The following CERK variants were observed in gnomAD, a reference collection of about 807,000 sequenced individuals.
CERK encodes acylsphingosine kinase.
A neutral mutation model predicts 63.4 loss-of-function variants in CERK; 39 were observed. The ratio of observed to expected loss-of-function variants is 0.61; its 90% CI spans 0.48 to 0.80. CERK has a LOEUF of 0.80. Among genes scored for constraint, CERK ranks in the 30% least tolerant of loss-of-function variants. CERK has a pLI of 0.00. For missense variants in CERK, 670 were observed against 714.1 expected (o/e 0.94, Z 0.70); for synonymous variants, 302 against 280.0 (o/e 1.08, Z -0.78).
At chr22:46,710,660 G>T (rs1463160017) in intron 5 of CERK, among the ~76,000 whole-genome samples, 1 of 152,122 alleles carries the variant, frequency 6.6e-6, no homozygotes, top group East Asian at 1.9e-4. Context: ...AATAAATATG[G>T]CATGCCCACA....
At position 46,733,404 on chromosome 22, in the gene CERK, G is replaced by T. The variant is rs193233035; in HGVS notation, c.142+4603C>A. On this transcript the variant is annotated intron_variant, in intron 1 of 12. Transcript: ENST00000216264. ...CGCCTCCCAGGTTCAAGAGATTCTC[G>T]TGCCTCAGCCTCCTGAGAGGCTGGG... is the stretch of plus-strand genomic sequence containing the variant. 2.0e-5 allele frequency among the ~76,000 whole-genome samples: 3 copies of T among 150,754 alleles called. No individual in the cohort carries two copies. The South Asian group carries it at 6.3e-4, about 32-fold the overall frequency.
Position 46,685,804 on chromosome 22 carries a change from T to C in CERK, c.*1330A>G, listed in dbSNP as rs2082697138. On this transcript the variant is annotated 3_prime_UTR_variant, in exon 13 of 13. Coordinates refer to ENST00000216264, the MANE Select transcript of CERK (RefSeq NM_022766.6). ...AATGCCAGGAAATTCTGAAAATGGA[T>C]GCTGCCTGTTAAACATGAAATCACT... is the stretch of plus-strand genomic sequence containing the variant. The C allele has an allele frequency of 6.6e-6, 1 of 152,204 alleles. No individual in the cohort carries two copies. The highest frequency in any genetic ancestry group is 1.9e-4 in the East Asian group (1 of 5,196). The allele number at this position is 152,204 out of a possible 1,614,324, so 9.4% of individuals were successfully genotyped here.
In CERK at chr22:46,701,656, G is replaced by A. The variant is rs1241712581; in HGVS notation, c.770C>T (p.Ser257Leu). The A allele has an allele frequency of 2.6e-6, 4 of 1,558,990 alleles. No individual in the cohort carries two copies. The highest frequency in any genetic ancestry group is 2.6e-6 in the Non-Finnish European group (3 of 1,151,342). ...CTCACCAACAACGATATGCAGCGCCGAGGTTTCTGCGTCGCTGGTGCCCAC... is the reference window on the plus strand; with the variant it reads ...CTCACCAACAACGATATGCAGCGCCAAGGTTTCTGCGTCGCTGGTGCCCAC... ...STVGTSDAETSALHIVVGDSL... is the reference protein window; with the variant it reads ...STVGTSDAETLALHIVVGDSL... Residue 257 changes from serine to leucine, a missense_variant, in exon 7 of 13, where the codon TCG (serine) becomes TTG (leucine). By Grantham distance (145) the Ser-to-Leu change is moderately radical. Coordinates refer to ENST00000216264, the MANE Select transcript of CERK (RefSeq NM_022766.6).
Position 46,690,108 on chromosome 22 carries a change from C to G in CERK, c.1425G>C (p.Gly475=). 6.2e-7 allele frequency: 1 copy of G among 1,614,106 alleles called. No homozygotes were observed. Among genetic ancestry groups the G allele is most frequent in the Non-Finnish European group, 8.5e-7 (1 of 1,180,014 alleles). Residue 475 remains glycine, a synonymous_variant, in exon 12 of 13, where the codon GGG becomes GGC. Coordinates refer to ENST00000216264, the MANE Select transcript of CERK (RefSeq NM_022766.6). ...MEDEDSDLKE[G]GKKRFGHICS... is the part of the protein sequence containing the mutation. ...AAATGTGCCCAAAGCGCTTCTTCCC[C>G]CCCTCCTTGAGGTCGCTGTCCTCAT...
intron 1 of CERK, among the ~76,000 whole-genome samples, chr22:46,728,800 G>A (rs562444784): frequency 1.3e-5 from 2 of 152,358 alleles, no homozygotes; most frequent in African/African-American, 4.8e-5. Flanking sequence ...CTGGCCTCGG[G>A]GACGTCTGAG....
chr22:46,729,805 C>T (rs541043382), intron 1 of CERK, among the ~76,000 whole-genome samples: 9 of 152,112 alleles, frequency 5.9e-5, no homozygotes, highest in African/African-American at 9.6e-5. Flanking sequence ...TTTGGGAGGC[C>T]GAGGCAGGTG....
intron 7 of CERK, 149 bp downstream of exon 7, chr22:46,701,487 C>A: frequency 6.3e-6 from 4 of 631,362 alleles, no homozygotes; most frequent in Non-Finnish European, 8.0e-6. Flanking sequence ...GGGATCACAG[C>A]GCAGCGAGCA....
intron 9 of CERK, among the ~76,000 whole-genome samples, chr22:46,694,719 G>A (rs1487318015): frequency 1.3e-5 from 2 of 152,198 alleles, no homozygotes; most frequent in African/African-American, 4.8e-5. Flanking sequence ...TGGAGCATGG[G>A]GCTAACATGG....
intron 12 of CERK, 142 bp downstream of exon 12, chr22:46,689,850 A>G (rs1382389402): frequency 5.0e-6 from 3 of 603,452 alleles, no homozygotes; most frequent in Middle Eastern, 4.4e-4. Context: ...ACATAGGGAG[A>G]GAAAAGTGCA....
chr22:46,721,301 A>ATT (rs201415039), intron 1 of CERK, among the ~76,000 whole-genome samples: 2 of 151,696 alleles, frequency 1.3e-5, no homozygotes, highest in Admixed American at 6.6e-5. Flanking sequence ...ATATATATAT[A>ATT]TATTTTTTTG....
chr22:46,717,554 G>A (rs1176928212), intron 3 of CERK, among the ~76,000 whole-genome samples: 1 of 152,264 alleles, frequency 6.6e-6, no homozygotes, highest in Non-Finnish European at 1.5e-5. Flanking sequence ...GTCATGTTGA[G>A]CCGAGAGCCA....
chr22:46,685,288 C>G lies in CERK; in HGVS notation c.*1846G>C, dbSNP rs1017785019. ...GTTTCACCATGTTGGGCAGGCTGAT[C>G]TCAAACTCCTGACCTTAGGTGATCC... is the stretch of plus-strand genomic sequence containing the variant. On this transcript the variant is annotated 3_prime_UTR_variant, in exon 13 of 13. Transcript: ENST00000216264. The G allele has an allele frequency of 1.3e-5, 2 of 152,330 alleles. No homozygotes were observed. The highest frequency in any genetic ancestry group is 4.8e-5 in the African/African-American group (2 of 41,462). The allele number at this position is 152,330 out of a possible 1,614,324, so 9.4% of individuals were successfully genotyped here. A position where few individuals can be genotyped will look rare whatever the true frequency, so the allele number is the denominator to read the frequency against.
chr22:46,722,635 C>A (rs2082898095), intron 1 of CERK, among the ~76,000 whole-genome samples: 1 of 151,450 alleles, frequency 6.6e-6, no homozygotes, highest in South Asian at 2.1e-4. Flanking sequence ...TCTCGGCTCA[C>A]CGCAACCTCC....
Position 46,691,627 on chromosome 22 carries a change from C to A in CERK, c.1277G>T (p.Cys426Phe). 6.2e-7 allele frequency: 1 copy of A among 1,614,044 alleles called. No homozygotes were observed. The highest frequency in any genetic ancestry group is 8.5e-7 in the Non-Finnish European group (1 of 1,180,040). The change falls in exon 11 of 13, where the codon TGC becomes TTC. Residue 426 changes from cysteine to phenylalanine, a missense_variant. Cys to Phe is a radical substitution (Grantham distance 205). Coordinates refer to ENST00000216264, the MANE Select transcript of CERK (RefSeq NM_022766.6). ...AAATCTCAGAAAATTGAACCTGGAG[C>A]ATTTCCGGATGAGGATGAGGTCAGA... ...GSSDLILIRK[C>F]SRFNFLRFLI...
At chr22:46,728,332 G>A (rs548416447) in intron 1 of CERK, among the ~76,000 whole-genome samples, 53 of 152,148 alleles carry the variant, frequency 3.5e-4, no homozygotes, top group African/African-American at 1.2e-3. Context: ...TCTTCCCCCC[G>A]TGCACCCTGC....
At chr22:46,711,026 G>GGT in intron 5 of CERK, 60 bp downstream of exon 5, 1 of 1,382,588 alleles carries the variant, frequency 7.2e-7, no homozygotes, top group South Asian at 1.2e-5. Flanking sequence ...AAAACTGAGA[G>GGT]GTGGGTAGAA....
At chr22:46,701,482 CA>C (rs1389926999) in intron 7 of CERK, among the ~76,000 whole-genome samples, 153 bp downstream of exon 7, 1 of 152,282 alleles carries the variant, frequency 6.6e-6, no homozygotes, top group Non-Finnish European at 1.5e-5. Context: ...TGAGTGGGAT[CA>C]CAGCGCAGCG....
intron 1 of CERK, among the ~76,000 whole-genome samples, chr22:46,729,493 C>T (rs2082935223): frequency 6.6e-6 from 1 of 152,118 alleles, no homozygotes; most frequent in Non-Finnish European, 1.5e-5. Flanking sequence ...ACCGTAACCT[C>T]GAATTCCTGG....
At chr22:46,711,184 C>G (rs2082839329) in intron 4 of CERK, 35 bp from the exon 5 acceptor site, 35 of 1,527,974 alleles carry the variant, frequency 2.3e-5, no homozygotes, top group Non-Finnish European at 3.2e-5. Flanking sequence ...AGTTTATATT[C>G]ACATCTGTGA....
Sources: allele counts gnomAD v4.1 joint callset (sites outside exome capture counted in the v4.1 genomes callset), GRCh38; gene constraint gnomAD v4.1.1; transcripts MANE v1.5; gene names NCBI Gene and HGNC (gene_info 2026-07-23, HGNC 2026-07-21).